Variants in GOLGA4 observed in about 807,000 individuals in gnomAD.
GOLGA4 encodes the protein golgin A4.
Under a neutral mutation model 265.9 loss-of-function variants are expected in GOLGA4, and 169 were observed. The ratio of observed to expected loss-of-function variants is 0.64; its 90% CI spans 0.56 to 0.72. The LOEUF is 0.72. GOLGA4 is among the 30% of genes least tolerant of loss of function. The pLI is 0.00. For synonymous variants in GOLGA4, 923 were observed against 855.8 expected (o/e 1.08, Z -1.37); for missense variants, 2,482 against 2,483.4 (o/e 1.00, Z 0.01).
chr3:37,244,084 C>T (rs1361224130), intron 1 of GOLGA4: 6 of 156,472 alleles, frequency 3.8e-5, no homozygotes, highest in African/African-American at 1.4e-4. Context: ...GCCAGGATCC[C>T]GCACAATTGA....
In GOLGA4 at chr3:37,274,345, G is replaced by C. The variant is rs565668566; in HGVS notation, c.163-7613G>C. Reference sequence around the variant, plus strand: ...TTTTAAAAAGTTATTTATAAAGAGGGGCTCAAGTCATTTTTTGTTTGAACC... The same window carrying C: ...TTTTAAAAAGTTATTTATAAAGAGGCGCTCAAGTCATTTTTTGTTTGAACC... On this transcript the variant is annotated intron_variant, in intron 2 of 23. Transcript: ENST00000361924. Among the ~76,000 whole-genome samples the C allele has an allele frequency of 3.3e-5, 5 of 151,876 alleles. No homozygotes were observed. The South Asian group carries it at 1.0e-3, about 32-fold the overall frequency.
chr3:37,257,951 ATGTATATATG>A (rs2096755282), intron 2 of GOLGA4, among the ~76,000 whole-genome samples: 1 of 106,030 alleles, frequency 9.4e-6, no homozygotes, highest in African/African-American at 4.3e-5. Flanking sequence ...ATATATATGT[ATGTATATATG>A]TATATATACA....
chr3:37,275,583 G>A (rs558166355), intron 2 of GOLGA4: 52 of 1,253,618 alleles, frequency 4.1e-5, no homozygotes, highest in South Asian at 2.3e-4. Flanking sequence ...CCGGGCCTGC[G>A]GTGGTGGGGG....
At chr3:37,298,775 C>G in intron 7 of GOLGA4, 58 bp from the exon 8 acceptor site, 3 of 1,104,572 alleles carry the variant, frequency 2.7e-6, no homozygotes. Flanking sequence ...TCATAATTTT[C>G]CAAAGGCAGT....
At chr3:37,258,371 A>G (rs1398560556) in intron 2 of GOLGA4, among the ~76,000 whole-genome samples, 3 of 151,674 alleles carry the variant, frequency 2.0e-5, no homozygotes, top group African/African-American at 7.3e-5. Flanking sequence ...TCTGTTGCTC[A>G]GGCTGGAGTG....
chr3:37,284,664 C>CTTT (rs75537927), intron 3 of GOLGA4, among the ~76,000 whole-genome samples: 7 of 133,536 alleles, frequency 5.2e-5, no homozygotes, highest in Admixed American at 1.5e-4. Context: ...TCCATTGCTG[C>CTTT]TTTTTTTTTT....
At position 37,358,951 on chromosome 3, in the gene GOLGA4, G is replaced by T. The variant is rs73053217; in HGVS notation, c.6664-2292G>T. On this transcript the variant is annotated intron_variant, in intron 22 of 23. Transcript: ENST00000361924. ...TGACCCTCATTGGTAAAATGAGATT[G>T]TTGGATTATACTATCTCTAAGGTTT... is the stretch of plus-strand genomic sequence containing the variant. Among the ~76,000 whole-genome samples, 1,076 of 152,284 alleles carry T rather than the reference G, an allele frequency of 7.1e-3. 5 individuals carry two copies. The highest frequency in any genetic ancestry group is 0.024 in the Middle Eastern group (7 of 294).
At chr3:37,330,738 T>C (rs963728560) in intron 16 of GOLGA4, among the ~76,000 whole-genome samples, 1 of 152,054 alleles carries the variant, frequency 6.6e-6, no homozygotes, top group African/African-American at 2.4e-5. Context: ...GGAAATATAA[T>C]GCAAGCCGGC....
At chr3:37,245,467 GTATT>G (rs1191557474) in intron 1 of GOLGA4, 1 of 152,194 alleles carries the variant, frequency 6.6e-6, no homozygotes, top group Non-Finnish European at 1.5e-5. Flanking sequence ...GTATGTAAGT[GTATT>G]TATATACACA....
At chr3:37,260,119 C>T (rs930832750) in intron 2 of GOLGA4, among the ~76,000 whole-genome samples, 2 of 141,404 alleles carry the variant, frequency 1.4e-5, no homozygotes, top group Non-Finnish European at 3.0e-5. Flanking sequence ...TCTTGGGCCA[C>T]ACATCAAATA....
In GOLGA4 at chr3:37,327,004, A is replaced by G; in HGVS notation, c.5118A>G (p.Leu1706=). 6.2e-7 allele frequency: 1 copy of G among 1,613,926 alleles called. No homozygotes were observed. The highest frequency in any genetic ancestry group is 8.5e-7 in the Non-Finnish European group (1 of 1,179,818). ...TGGAAAGTTCACAGTCAGAAACATT[A>G]ATTGTACCCAGATCAGCAAAAAATG... is the stretch of plus-strand genomic sequence containing the variant. ...KSVESSQSET[L]IVPRSAKNVA... Residue 1706 remains leucine (L), a synonymous_variant, in exon 14 of 24, where the codon TTA becomes TTG. Coordinates refer to ENST00000361924, the MANE Select transcript of GOLGA4 (RefSeq NM_002078.5).
chr3:37,319,397 ACTTT>A (rs963087447), intron 12 of GOLGA4: 6 of 343,432 alleles, frequency 1.7e-5, no homozygotes, highest in Non-Finnish European at 3.3e-5. Context: ...GATCTAACAC[ACTTT>A]CTTTTTTTTA....
intron 12 of GOLGA4, chr3:37,319,495 C>T (rs547780782): frequency 9.1e-5 from 15 of 163,972 alleles, no homozygotes; most frequent in East Asian, 1.6e-4. Context: ...TCTCCATCTC[C>T]GCGGTTCAAG....
rs376983525 is a variant in GOLGA4, at chr3:37,262,435, G to A, written c.162+10951G>A. On this transcript the variant is annotated intron_variant, in intron 2 of 23. Coordinates refer to ENST00000361924, the MANE Select transcript of GOLGA4 (RefSeq NM_002078.5). ...TGAGGCAGGAGAATTAGTTGAACGC[G>A]GGAGGTGGAGGTTGCAGTGAGCTGA... Among the ~76,000 whole-genome samples, 257 of 152,170 alleles carry A rather than the reference G, an allele frequency of 1.7e-3. 4 individuals carry two copies. The highest frequency in any genetic ancestry group is 5.6e-3 in the African/African-American group (234 of 41,510).
intron 8 of GOLGA4, 90 bp downstream of exon 8, chr3:37,299,110 A>G (rs1443070464): frequency 8.6e-7 from 1 of 1,162,816 alleles, no homozygotes; most frequent in Non-Finnish European, 1.2e-6. Context: ...GGGAGAGGAG[A>G]GTGGATGGAA....
At chr3:37,271,987 A>C (rs2096799968) in intron 2 of GOLGA4, among the ~76,000 whole-genome samples, 1 of 152,304 alleles carries the variant, frequency 6.6e-6, no homozygotes, top group African/African-American at 2.4e-5. Flanking sequence ...TGAGAATATA[A>C]TGCCTGATGA....
At chr3:37,264,568 A>T (rs1303443968) in intron 2 of GOLGA4, among the ~76,000 whole-genome samples, 1 of 152,240 alleles carries the variant, frequency 6.6e-6, no homozygotes, top group Non-Finnish European at 1.5e-5. Flanking sequence ...TTAAGGCTCT[A>T]GTTAGTATTC....
intron 1 of GOLGA4, among the ~76,000 whole-genome samples, chr3:37,251,000 A>G (rs1249096439): frequency 2.0e-5 from 3 of 152,096 alleles, no homozygotes; most frequent in Non-Finnish European, 4.4e-5. Flanking sequence ...TTTTAAATGA[A>G]CTTCTAATTT....
intron 10 of GOLGA4, among the ~76,000 whole-genome samples, chr3:37,308,075 AT>A (rs1479672314): frequency 6.6e-5 from 10 of 152,120 alleles, no homozygotes; most frequent in Non-Finnish European, 8.8e-5. Context: ...TCTACTAAAA[AT>A]ATAAAAATTA....
Sources: gnomAD v4.1 joint callset for allele counts (sites outside exome capture counted in the v4.1 genomes callset) on GRCh38, gnomAD v4.1.1 for gene constraint, MANE v1.5 for transcripts, NCBI Gene and HGNC (gene_info 2026-07-23, HGNC 2026-07-21) for gene names.